The following ARHGAP26 variants were observed in gnomAD, a reference collection of about 807,000 sequenced individuals.
The protein encoded by ARHGAP26 is rho GTPase-activating protein 26.
In ARHGAP26, 38 loss-of-function variants were observed where a neutral mutation model predicts 104.8. That is an observed-to-expected ratio of 0.36 (90% CI 0.28 to 0.48). ARHGAP26 has a LOEUF of 0.48. Among genes scored for constraint, ARHGAP26 ranks in the 20% least tolerant of loss-of-function variants. ARHGAP26 has a pLI of 0.99. For synonymous variants in ARHGAP26, 341 were observed against 340.0 expected, an observed-to-expected ratio of 1.00 and a Z score of -0.03; for missense variants, 704 against 947.9, an observed-to-expected ratio of 0.74 and a Z score of 3.38.
intron 11 of ARHGAP26, among the ~76,000 whole-genome samples, chr5:142,985,518 T>C (rs1011933020): frequency 6.6e-6 from 1 of 152,202 alleles, no homozygotes; most frequent in Non-Finnish European, 1.5e-5. Flanking sequence ...TTATCTTTTT[T>C]TTTTTAATTT....
intron 11 of ARHGAP26, among the ~76,000 whole-genome samples, chr5:142,963,179 T>TACAC (rs1554172139): frequency 1.9e-5 from 2 of 104,126 alleles, no homozygotes; most frequent in African/African-American, 1.2e-4. Context: ...TATGTATATA[T>TACAC]ATATATATAT....
intron 20 of ARHGAP26, among the ~76,000 whole-genome samples, chr5:143,156,602 G>A (rs1341518149): frequency 6.6e-6 from 1 of 152,200 alleles, no homozygotes; most frequent in African/African-American, 2.4e-5. Context: ...GCTCAAGTCT[G>A]AGAGCCATAG....
chr5:142,775,229 T>A (rs1756067983), intron 1 of ARHGAP26, among the ~76,000 whole-genome samples: 1 of 152,212 alleles, frequency 6.6e-6, no homozygotes, highest in African/African-American at 2.4e-5. Context: ...CAGCAATGAA[T>A]GAGAGTTCCT....
intron 22 of ARHGAP26, chr5:143,216,523 G>A (rs1012511767): frequency 6.3e-5 from 20 of 319,428 alleles, no homozygotes; most frequent in African/African-American, 3.5e-4. Context: ...TGACCTGCCC[G>A]TCAAATCCAA....
Position 142,832,522 on chromosome 5 carries a change from ATAAAGTTCTTTTTC to A in ARHGAP26, c.155-40876_155-40863del, listed in dbSNP as rs1212414299. Among the ~76,000 whole-genome samples, 21 of 152,266 alleles carry A rather than the reference ATAAAGTTCTTTTTC, an allele frequency of 1.4e-4. 1 individual carries two copies. The highest frequency in any genetic ancestry group is 1.3e-4 in the Non-Finnish European group (9 of 68,046). Reference sequence around the variant, plus strand: ...TTCCAGCCTCCAGAACTGTGAGAAAATAAAGTTCTTTTTCTTATGGCAGCTCAAGCTGACTAATA... The same window carrying A: ...TTCCAGCCTCCAGAACTGTGAGAAAATTATGGCAGCTCAAGCTGACTAATA... On this transcript the variant is annotated intron_variant, in intron 1 of 22. Transcript: ENST00000645722.
At chr5:143,202,606 C>A (rs1807934379) in intron 20 of ARHGAP26, 1 of 152,106 alleles carries the variant, frequency 6.6e-6, no homozygotes, top group Non-Finnish European at 1.5e-5. Context: ...CAAAAAAGAG[C>A]CCGTATAGCC....
chr5:142,788,457 G>C (rs1323989827), intron 1 of ARHGAP26, among the ~76,000 whole-genome samples: 1 of 152,132 alleles, frequency 6.6e-6, no homozygotes, highest in East Asian at 1.9e-4. Flanking sequence ...TTGAAAGCAT[G>C]ATTTAAATTT....
intron 1 of ARHGAP26, among the ~76,000 whole-genome samples, chr5:142,791,662 C>T (rs907977007): frequency 1.3e-5 from 2 of 152,072 alleles, no homozygotes; most frequent in African/African-American, 4.8e-5. Flanking sequence ...CTACCCCTCG[C>T]ATTTAAAAGG....
At chr5:142,992,629 A>G (rs902711514) in intron 11 of ARHGAP26, among the ~76,000 whole-genome samples, 1 of 151,706 alleles carries the variant, frequency 6.6e-6, no homozygotes, top group African/African-American at 2.4e-5. Context: ...GGGTTTCACC[A>G]TGTTAGCCAG....
chr5:143,097,385 AG>A (rs1425740094), intron 17 of ARHGAP26, among the ~76,000 whole-genome samples: 2 of 145,554 alleles, frequency 1.4e-5, no homozygotes, highest in Non-Finnish European at 3.0e-5. Flanking sequence ...AAAAAAAAAG[AG>A]CATATCTGAC....
chr5:143,134,244 C>T, intron 19 of ARHGAP26, 139 bp downstream of exon 19: 1 of 1,013,506 alleles, frequency 9.9e-7, no homozygotes. Flanking sequence ...ATTGTGCCCT[C>T]CCAAGTGCCT....
At chr5:142,940,994 G>A (rs1766220057) in intron 11 of ARHGAP26, among the ~76,000 whole-genome samples, 1 of 131,056 alleles carries the variant, frequency 7.6e-6, no homozygotes, top group Non-Finnish European at 1.5e-5. Context: ...AGAATGGCAT[G>A]AACCCAGGAG....
chr5:142,876,816 A>C (rs1037058412), intron 3 of ARHGAP26, among the ~76,000 whole-genome samples: 1 of 150,774 alleles, frequency 6.6e-6, no homozygotes, highest in Non-Finnish European at 1.5e-5. Context: ...TTTCTTTAAA[A>C]CTCCAAACAG....
intron 14 of ARHGAP26, among the ~76,000 whole-genome samples, chr5:143,046,647 T>C (rs914876584): frequency 3.9e-5 from 6 of 152,128 alleles, no homozygotes; most frequent in Non-Finnish European, 7.4e-5. Context: ...CTGGGGGTTT[T>C]CCCCCCTGAA....
intron 4 of ARHGAP26, among the ~76,000 whole-genome samples, chr5:142,883,664 T>C (rs1757311450): frequency 1.3e-5 from 2 of 152,242 alleles, no homozygotes; most frequent in Admixed American, 6.5e-5. Flanking sequence ...ACTTGATGGT[T>C]CTGCTCTAGA....
intron 16 of ARHGAP26, among the ~76,000 whole-genome samples, chr5:143,056,437 G>A (rs568806793): frequency 6.9e-6 from 1 of 144,492 alleles, no homozygotes; most frequent in Non-Finnish European, 1.5e-5. Context: ...TCCAGCCTTT[G>A]AGTAGCATTT....
At chr5:142,927,688 T>C (rs1764117343) in intron 10 of ARHGAP26, among the ~76,000 whole-genome samples, 1 of 152,236 alleles carries the variant, frequency 6.6e-6, no homozygotes, top group Admixed American at 6.5e-5. Context: ...TGAGTATATA[T>C]GTAGAGGTAG....
At chr5:142,852,345 A>C (rs1434892398) in intron 1 of ARHGAP26, among the ~76,000 whole-genome samples, 7 of 152,172 alleles carry the variant, frequency 4.6e-5, no homozygotes, top group Admixed American at 1.3e-4. Flanking sequence ...GGGACATGGA[A>C]TTGGCCCTCC....
chr5:143,177,129 A>G (rs1318893590), intron 20 of ARHGAP26, among the ~76,000 whole-genome samples: 1 of 152,170 alleles, frequency 6.6e-6, no homozygotes, highest in Non-Finnish European at 1.5e-5. Flanking sequence ...TTCTGCTTCA[A>G]TGTGCTGGTT....
Sources: gnomAD v4.1 joint callset for allele counts (sites outside exome capture counted in the v4.1 genomes callset) on GRCh38, gnomAD v4.1.1 for gene constraint, MANE v1.5 for transcripts, NCBI Gene and HGNC (gene_info 2026-07-23, HGNC 2026-07-21) for gene names.